TRAPPC9: variants seen among roughly 807,000 people sequenced by gnomAD.
TRAPPC9 encodes IKK2 binding protein.
In TRAPPC9, 83 loss-of-function variants were observed where a neutral mutation model predicts 124.0. That is an observed-to-expected ratio of 0.67 (90% CI 0.56 to 0.80). The LOEUF (loss-of-function observed/expected upper bound fraction) is 0.80. TRAPPC9 is among the 30% of genes least tolerant of loss of function. The pLI, the probability that TRAPPC9 is intolerant of heterozygous loss-of-function variation, is 0.00. For missense variants in TRAPPC9, 1,302 were observed against 1,508.3 expected (o/e 0.86, Z 2.27); for synonymous variants, 638 against 617.5 (o/e 1.03, Z -0.49).
intron 11 of TRAPPC9, 114 bp from the exon 12 acceptor site, chr8:140,291,192 C>G (rs527462516): frequency 1.1e-6 from 1 of 933,596 alleles, no homozygotes; most frequent in Non-Finnish European, 1.7e-6. Flanking sequence ...GCAGCAGGCT[C>G]TATGATCTTC....
At chr8:140,317,634 AT>A (rs909845445) in intron 9 of TRAPPC9, among the ~76,000 whole-genome samples, 6 of 151,620 alleles carry the variant, frequency 4.0e-5, no homozygotes, top group African/African-American at 7.3e-5. Flanking sequence ...TTCTGCTTTA[AT>A]TTTTTTTTAA....
chr8:140,307,578 G>T (rs2066172323), intron 10 of TRAPPC9, among the ~76,000 whole-genome samples: 1 of 152,170 alleles, frequency 6.6e-6, no homozygotes, highest in Non-Finnish European at 1.5e-5. Context: ...TACACTGTTG[G>T]CTGGCTGACC....
At chr8:139,780,584 A>T (rs1001230765) in intron 21 of TRAPPC9, among the ~76,000 whole-genome samples, 1 of 152,184 alleles carries the variant, frequency 6.6e-6, no homozygotes, top group African/African-American at 2.4e-5. Context: ...CCTAGAAGAT[A>T]ACACAGGAGG....
In TRAPPC9 at chr8:140,435,044, G is replaced by A; in HGVS notation, c.859+68C>T. 3 of 1,610,850 alleles carry A rather than the reference G, an allele frequency of 1.9e-6. No homozygotes were observed. In the South Asian group the frequency reaches 3.3e-5, roughly 18 times the overall value. On this transcript the variant is annotated intron_variant, in intron 4 of 22. Transcript: ENST00000438773. Reference sequence around the variant, plus strand: ...TATTAGTCCTAACTCAAAGGAAAAAGTAACAAATGAGTCTGCTTTATTTAA... The same window carrying A: ...TATTAGTCCTAACTCAAAGGAAAAAATAACAAATGAGTCTGCTTTATTTAA...
intron 17 of TRAPPC9, among the ~76,000 whole-genome samples, chr8:140,025,576 A>AAAAG (rs1227206143): frequency 2.0e-5 from 3 of 152,004 alleles, no homozygotes; most frequent in African/African-American, 7.2e-5. Flanking sequence ...AAAAAAAAAA[A>AAAAG]AAAAGAAAAG....
chr8:139,978,399 T>A (rs753319325), intron 19 of TRAPPC9, among the ~76,000 whole-genome samples: 1 of 152,244 alleles, frequency 6.6e-6, no homozygotes, highest in East Asian at 1.9e-4. Context: ...TGGGTACTTG[T>A]TGATAATGAG....
intron 9 of TRAPPC9, among the ~76,000 whole-genome samples, chr8:140,345,507 G>T (rs1156912332): frequency 6.6e-6 from 1 of 152,166 alleles, no homozygotes; most frequent in Non-Finnish European, 1.5e-5. Context: ...AGCAGGGCAG[G>T]CAGGCCAAAA....
intron 21 of TRAPPC9, among the ~76,000 whole-genome samples, chr8:139,797,707 T>A (rs935997853): frequency 2.6e-5 from 4 of 152,260 alleles, no homozygotes; most frequent in African/African-American, 9.6e-5. Flanking sequence ...AACTTCATTC[T>A]TTTGCATAAG....
At chr8:140,017,826 T>A (rs7838193) in intron 18 of TRAPPC9, among the ~76,000 whole-genome samples, 2,618 of 152,238 alleles carry the variant, frequency 0.017, 67 homozygotes, top group African/African-American at 0.06. Context: ...AAAAACTAAT[T>A]CTTCCAATCA....
Position 140,092,111 on chromosome 8 carries a change from A to G in TRAPPC9, c.2557-68032T>C, listed in dbSNP as rs191031265. On this transcript the variant is annotated intron_variant, in intron 17 of 22. Transcript: ENST00000438773. ...AAAAAAACAAACCTTTTTTACCAAA[A>G]TATTGATGGAAGCCACCATTAGTTA... 2.8e-3 allele frequency among the ~76,000 whole-genome samples: 421 copies of G among 151,876 alleles called. 7 individuals are homozygous for G. The highest frequency in any genetic ancestry group is 0.026 in the Admixed American group (391 of 15,256).
chr8:139,974,627 T>C (rs1350812102), intron 19 of TRAPPC9, among the ~76,000 whole-genome samples: 4 of 151,936 alleles, frequency 2.6e-5, no homozygotes, highest in Middle Eastern at 3.2e-3. Context: ...TTCAGCCAGC[T>C]GGGGCCCAGG....
intron 17 of TRAPPC9, among the ~76,000 whole-genome samples, chr8:140,123,600 A>G (rs1199178440): frequency 6.6e-6 from 1 of 152,092 alleles, no homozygotes; most frequent in Non-Finnish European, 1.5e-5. Context: ...TTCTCACCCC[A>G]CTGCACCTTA....
chr8:140,393,958 C>A (rs1270715780), intron 7 of TRAPPC9, among the ~76,000 whole-genome samples: 3 of 152,284 alleles, frequency 2.0e-5, no homozygotes, highest in Middle Eastern at 3.4e-3. Context: ...TGCACTGTCC[C>A]CGCCCGCCCA....
At chr8:139,852,102 T>C (rs1011601505) in intron 21 of TRAPPC9, among the ~76,000 whole-genome samples, 10 of 152,176 alleles carry the variant, frequency 6.6e-5, no homozygotes, top group African/African-American at 1.9e-4. Flanking sequence ...TCTCATGAGA[T>C]CTGATGATTA....
chr8:140,203,884 G>A (rs1367733620), intron 17 of TRAPPC9, among the ~76,000 whole-genome samples: 1 of 152,104 alleles, frequency 6.6e-6, no homozygotes, highest in East Asian at 1.9e-4. Context: ...CAAAGACTAA[G>A]AACATCAAGA....
intron 21 of TRAPPC9, among the ~76,000 whole-genome samples, chr8:139,804,479 AAAC>A (rs1345444636): frequency 7.6e-5 from 9 of 119,000 alleles, no homozygotes; most frequent in African/African-American, 2.6e-4. Context: ...CACCACCACC[AAAC>A]ACCACCACCA....
At chr8:139,897,262 A>T (rs1830721393) in intron 20 of TRAPPC9, among the ~76,000 whole-genome samples, 3 of 152,152 alleles carry the variant, frequency 2.0e-5, no homozygotes, top group Admixed American at 2.0e-4. Flanking sequence ...TGCTGGTCAA[A>T]CACCTGTGGA....
At chr8:139,857,564 G>A (rs1827878263) in intron 21 of TRAPPC9, among the ~76,000 whole-genome samples, 1 of 152,220 alleles carries the variant, frequency 6.6e-6, no homozygotes, top group Admixed American at 6.5e-5. Flanking sequence ...ACTGGCCGAG[G>A]AAGGCATGGT....
At chr8:140,217,008 C>T (rs1306210511) in intron 17 of TRAPPC9, among the ~76,000 whole-genome samples, 1 of 152,210 alleles carries the variant, frequency 6.6e-6, no homozygotes, top group Non-Finnish European at 1.5e-5. Context: ...GAGTTACTGG[C>T]TTGTATGACA....
Sources: gnomAD v4.1 joint callset for allele counts (sites outside exome capture counted in the v4.1 genomes callset) on GRCh38, gnomAD v4.1.1 for gene constraint, MANE v1.5 for transcripts, NCBI Gene and HGNC (gene_info 2026-07-23, HGNC 2026-07-21) for gene names.